Variants in LINGO2 observed in about 807,000 individuals in gnomAD.
The protein encoded by LINGO2 is leucine rich repeat and Ig domain containing 2.
Under a neutral mutation model 30.6 loss-of-function variants are expected in LINGO2, and 14 were observed. The ratio of observed to expected loss-of-function variants is 0.46; its 90% CI spans 0.30 to 0.72. The LOEUF (loss-of-function observed/expected upper bound fraction) is 0.72, where lower values mean the gene tolerates loss of function less well. LINGO2 is among the 30% of genes least tolerant of loss of function. The probability of loss-of-function intolerance (pLI) is 0.07; values close to 1 mark genes in which losing one functional copy is unlikely to be tolerated. For missense variants in LINGO2, 729 were observed against 751.7 expected (o/e 0.97, Z 0.35); for synonymous variants, 317 against 288.5 (o/e 1.10, Z -1.00).
At chr9:28,466,378 T>C (rs748105729) in intron 2 of LINGO2, among the ~76,000 whole-genome samples, 1 of 152,148 alleles carries the variant, frequency 6.6e-6, no homozygotes, top group Admixed American at 6.5e-5. Context: ...AAGGACAAAC[T>C]GATCATGTTC....
chr9:28,357,465 G>A (rs1820265667), intron 3 of LINGO2, among the ~76,000 whole-genome samples: 1 of 151,918 alleles, frequency 6.6e-6, no homozygotes, highest in South Asian at 2.1e-4. Context: ...TCATAGACAT[G>A]TTGGTTTTTC....
At chr9:27,972,721 T>C (rs994966466) in intron 5 of LINGO2, among the ~76,000 whole-genome samples, 5 of 152,204 alleles carry the variant, frequency 3.3e-5, no homozygotes, top group African/African-American at 9.6e-5. Flanking sequence ...TCAGAAGTTA[T>C]TTTTCCACCT....
the LINGO2 span, among the ~76,000 whole-genome samples, chr9:29,026,907 C>A: frequency 2.0e-5 from 3 of 151,708 alleles, no homozygotes; most frequent in Middle Eastern, 3.2e-3. Context: ...AATGATATGA[C>A]CAAAATAAAT....
At chr9:28,613,484 A>AACACAC (rs76554951) in intron 1 of LINGO2, among the ~76,000 whole-genome samples, 19,522 of 150,844 alleles carry the variant, frequency 0.13, 1,716 homozygotes, top group Admixed American at 0.26. Context: ...CTACTATGAA[A>AACACAC]ACACACACAC....
chr9:28,075,463 AG>A (rs1825596451), intron 4 of LINGO2, among the ~76,000 whole-genome samples: 1 of 151,964 alleles, frequency 6.6e-6, no homozygotes, highest in South Asian at 2.1e-4. Flanking sequence ...ATCTAGGAAA[AG>A]AATTGCTAGT....
intron 5 of LINGO2, among the ~76,000 whole-genome samples, chr9:27,973,901 G>T (rs976274961): frequency 6.6e-6 from 1 of 152,112 alleles, no homozygotes; most frequent in Non-Finnish European, 1.5e-5. Flanking sequence ...TACATATAAG[G>T]CACATTCCTG....
the LINGO2 span, among the ~76,000 whole-genome samples, chr9:29,180,269 G>A: frequency 6.6e-6 from 1 of 152,230 alleles, no homozygotes; most frequent in South Asian, 2.1e-4. Flanking sequence ...GGAGCCTGTG[G>A]CTCTGTGAAA....
At chr9:28,075,632 T>C (rs1825601292) in intron 4 of LINGO2, among the ~76,000 whole-genome samples, 1 of 151,978 alleles carries the variant, frequency 6.6e-6, no homozygotes, top group South Asian at 2.1e-4. Flanking sequence ...GTGGTATTAA[T>C]TTGTATATCC....
rs138320251 is a variant in LINGO2, at chr9:28,575,451, A to T, written c.-365+94749T>A. Among the ~76,000 whole-genome samples, 296 of 152,038 alleles carry T rather than the reference A, an allele frequency of 1.9e-3. 2 individuals are homozygous for T. The highest frequency in any genetic ancestry group is 6.8e-3 in the African/African-American group (284 of 41,514). On this transcript the variant is annotated intron_variant, in intron 1 of 5. Coordinates refer to ENST00000379992, the Ensembl canonical transcript of LINGO2. ...ACAACACAAAAAAAACCACGTTTTC[A>T]CTCATAAGAGGGAGCTAAAAATTGA...
chr9:28,348,769 G>A (rs1351701973), intron 3 of LINGO2, among the ~76,000 whole-genome samples: 3 of 151,802 alleles, frequency 2.0e-5, no homozygotes, highest in Non-Finnish European at 4.4e-5. Flanking sequence ...TTTGAAGAGA[G>A]CAGTGGTTCT....
intron 2 of LINGO2, among the ~76,000 whole-genome samples, chr9:28,417,094 TA>T (rs5897298): frequency 1.6e-4 from 24 of 151,018 alleles, no homozygotes; most frequent in Admixed American, 6.0e-4. Flanking sequence ...GGAGTTCAGA[TA>T]AAAAAAAAGC....
At chr9:28,450,688 A>G (rs967460728) in intron 2 of LINGO2, among the ~76,000 whole-genome samples, 3 of 151,966 alleles carry the variant, frequency 2.0e-5, no homozygotes, top group Non-Finnish European at 2.9e-5. Flanking sequence ...GCTACCATCA[A>G]TCCATGCCGT....
the LINGO2 span, among the ~76,000 whole-genome samples, chr9:29,171,358 A>C: frequency 1.3e-5 from 2 of 152,118 alleles, no homozygotes; most frequent in African/African-American, 2.4e-5. Context: ...AAAGATTCAG[A>C]GACATTTAAA....
chr9:29,176,286 G>T, the LINGO2 span, among the ~76,000 whole-genome samples: 3 of 152,126 alleles, frequency 2.0e-5, no homozygotes, highest in African/African-American at 7.2e-5. Flanking sequence ...CCCTGATCCT[G>T]CTACCAGACT....
chr9:28,382,166 T>C (rs1272177558), intron 2 of LINGO2, among the ~76,000 whole-genome samples: 3 of 152,130 alleles, frequency 2.0e-5, no homozygotes, highest in Non-Finnish European at 4.4e-5. Context: ...AGATAGTACT[T>C]GGCATTTATT....
In LINGO2 at chr9:28,168,487, GTGTT is replaced by G. The variant is rs564426479; in HGVS notation, c.-87+126717_-87+126720del. 1.0e-3 allele frequency among the ~76,000 whole-genome samples: 153 copies of G among 152,302 alleles called. 1 individual carries two copies. The highest frequency in any genetic ancestry group is 3.4e-3 in the Middle Eastern group (1 of 294). On this transcript the variant is annotated intron_variant, in intron 4 of 5. Coordinates refer to ENST00000379992, the Ensembl canonical transcript of LINGO2. Reference sequence around the variant, plus strand: ...CTAAATTTAAGAGTACCAACTTCATGTGTTTGTTAAGGAGCTAAAGTACCTTTCA... The same window carrying G: ...CTAAATTTAAGAGTACCAACTTCATGTGTTAAGGAGCTAAAGTACCTTTCA...
chr9:28,969,367 A>G, the LINGO2 span, among the ~76,000 whole-genome samples: 3 of 152,180 alleles, frequency 2.0e-5, no homozygotes, highest in Non-Finnish European at 4.4e-5. Flanking sequence ...AGGGGCAGGT[A>G]GTGGGCCCTG....
Position 28,448,700 on chromosome 9 carries a change from C to T in LINGO2, c.-279+27240G>A, listed in dbSNP as rs574936821. 3.9e-5 allele frequency among the ~76,000 whole-genome samples: 6 copies of T among 152,066 alleles called. No homozygotes were observed. In the East Asian group the frequency reaches 1.2e-3, roughly 29 times the overall value. ...TGAAAAGAAAGTGATTTATTTCCTT[C>T]TGATCATAAAGAACAGACAGCTTCT... On this transcript the variant is annotated intron_variant, in intron 2 of 5. Coordinates refer to ENST00000379992, the Ensembl canonical transcript of LINGO2.
At chr9:28,966,718 C>A in the LINGO2 span, among the ~76,000 whole-genome samples, 2 of 152,012 alleles carry the variant, frequency 1.3e-5, no homozygotes, top group East Asian at 3.9e-4. Flanking sequence ...ACATCGCCTC[C>A]CATGAAAGAG....
Sources: gnomAD v4.1 joint callset for allele counts (sites outside exome capture counted in the v4.1 genomes callset) on GRCh38, gnomAD v4.1.1 for gene constraint, MANE v1.5 for transcripts, NCBI Gene and HGNC (gene_info 2026-07-23, HGNC 2026-07-21) for gene names.